SLC12A4: variants seen among roughly 807,000 people sequenced by gnomAD.
The protein encoded by SLC12A4 is electroneutral potassium-chloride cotransporter 1.
In SLC12A4, 84 loss-of-function variants were observed where a neutral mutation model predicts 119.2. That is an observed-to-expected ratio of 0.70 (90% CI 0.59 to 0.85). The LOEUF (loss-of-function observed/expected upper bound fraction) is 0.85, where lower values mean the gene tolerates loss of function less well. Among genes scored for constraint, SLC12A4 ranks in the 40% least tolerant of loss-of-function variants. SLC12A4 has a pLI of 0.00. For missense variants in SLC12A4, 1,298 were observed against 1,476.3 expected (o/e 0.88, Z 1.98); for synonymous variants, 599 against 604.6 (o/e 0.99, Z 0.14).
chr16:67,968,591 C>T lies in SLC12A4; in HGVS notation c.-38G>A, dbSNP rs2030971307. 1.4e-6 allele frequency: 2 copies of T among 1,452,476 alleles called. No individual in the cohort carries two copies. Among genetic ancestry groups the T allele is most frequent in the Non-Finnish European group, 1.8e-6 (2 of 1,102,034 alleles). 90.0% of individuals were successfully genotyped at this position (1,452,476 alleles called of 1,614,324 possible). On this transcript the variant is annotated 5_prime_UTR_variant, in exon 1 of 24. Coordinates refer to ENST00000316341, the MANE Select transcript of SLC12A4 (RefSeq NM_005072.5). ...GCCCCGCCGCACCCGCCGTCCCAGC[C>T]GCCCGCCGCTGTCCCCGCCGCTGTC...
Position 67,963,503 on chromosome 16 carries a change from C to T in SLC12A4, c.172G>A (p.Gly58Arg). The T allele has an allele frequency of 1.3e-6, 2 of 1,585,276 alleles. No homozygotes were observed. The highest frequency in any genetic ancestry group is 1.7e-6 in the Non-Finnish European group (2 of 1,171,710). ...PFLSPLEASR[G>R]IDYYDRNLAL... ...AGGTTCCTGTCATAGTAGTCAATTC[C>T]TCTGGAAGCCTCCAAGGGGGAAAGA... The change falls in exon 2 of 24, where the codon GGA (glycine) becomes AGA (arginine). Residue 58 changes from glycine to arginine, a missense_variant. Transcript: ENST00000316341.
rs1210061266 is a variant in SLC12A4, at chr16:67,952,260, G to A, written c.841C>T (p.Leu281=). The change falls in exon 7 of 24, where the codon CTG becomes TTG. Residue 281 remains leucine, a synonymous_variant. Transcript: ENST00000316341. ...KYVNKFASLF[L]ACVIISILSI... The stretch of plus-strand genomic sequence containing the variant: ...AGGATGGAGATGATCACACAGGCCA[G>A]GAAGAGCGAGGCAAATTTGTTCACA... The A allele has an allele frequency of 1.9e-6, 3 of 1,614,164 alleles. No homozygotes were observed. In the South Asian group the frequency reaches 3.3e-5, roughly 18 times the overall value.
At chr16:67,961,232 GGAT>G (rs2030543917) in intron 3 of SLC12A4, among the ~76,000 whole-genome samples, 1 of 152,152 alleles carries the variant, frequency 6.6e-6, no homozygotes, top group African/African-American at 2.4e-5. Context: ...TGAAAAATGG[GGAT>G]GATAGTAAGC....
At chr16:67,961,537 T>G (rs1258620728) in intron 3 of SLC12A4, 38 bp downstream of exon 3, 1 of 1,605,580 alleles carries the variant, frequency 6.2e-7, no homozygotes, top group Admixed American at 1.7e-5. Flanking sequence ...GTGTCTGTCT[T>G]CCCAGGTGTG....
At chr16:67,963,843 C>A in intron 1 of SLC12A4, 2 of 1,492,864 alleles carry the variant, frequency 1.3e-6, no homozygotes, top group East Asian at 2.5e-5. Flanking sequence ...CACTGAGGGA[C>A]GGGGCCTGCA....
At position 67,957,886 on chromosome 16, in the gene SLC12A4, C is replaced by T. The variant is rs1282281465; in HGVS notation, c.489+12G>A. On this transcript the variant is annotated intron_variant, in intron 4 of 23. Coordinates refer to ENST00000316341, the MANE Select transcript of SLC12A4 (RefSeq NM_005072.5). ...CATGCCCAGCCCAACCCTCCCACGC[C>T]AGGACACTCACACAACAGCAGCAGA... 1.9e-6 allele frequency: 3 copies of T among 1,614,138 alleles called. No individual in the cohort carries two copies. Among genetic ancestry groups the T allele is most frequent in the Non-Finnish European group, 1.7e-6 (2 of 1,180,018 alleles).
At position 67,950,150 on chromosome 16, in the gene SLC12A4, C is replaced by T. The variant is rs936462926; in HGVS notation, c.1629+169G>A. The T allele has an allele frequency of 7.5e-6, 6 of 797,404 alleles. No homozygotes were observed. The highest frequency in any genetic ancestry group is 1.2e-5 in the Non-Finnish European group (6 of 512,434). The allele number at this position is 797,404 out of a possible 1,614,324, so 49.4% of individuals were successfully genotyped here. The stretch of plus-strand genomic sequence containing the variant: ...TTCTGGGTCCAGGCAGCTCCAGGCC[C>T]AGGTGAGTGCCAGGCCCAGGGCACT... On this transcript the variant is annotated intron_variant, in intron 12 of 23. Transcript: ENST00000316341. This position sits in a 1 kb window ranked among gnomAD's most constrained non-coding sequence, Gnocchi z 4.3.
intron 1 of SLC12A4, chr16:67,963,956 G>A (rs2030731518): frequency 6.4e-7 from 1 of 1,551,514 alleles, no homozygotes; most frequent in Non-Finnish European, 8.7e-7. Context: ...CCAAGGGTTC[G>A]GTGTCCTCAG....
chr16:67,945,546 A>G lies in SLC12A4; in HGVS notation c.2855T>C (p.Leu952Pro). ...TKTEREREAQ[L>P]VKDRHSALRL... ...CAGGGCCGAGTGCCGATCCTTGACC[A>G]GCTGGGCCTGAGGACAATTGCAGGA... The change falls in exon 22 of 24, where the codon CTG becomes CCG. Residue 952 changes from leucine to proline, a missense_variant. Physicochemically the swap from Leu to Pro is moderately conservative, Grantham distance 98. Transcript: ENST00000316341. 2.5e-6 allele frequency: 4 copies of G among 1,613,486 alleles called. No individual in the cohort carries two copies. Among genetic ancestry groups the G allele is most frequent in the Non-Finnish European group, 3.4e-6 (4 of 1,179,718 alleles).
In SLC12A4 at chr16:67,966,871, C is replaced by G. The variant is rs149233022; in HGVS notation, c.115+1568G>C. ...GCTGGCCTAGCTTGCGGGGATCTAG[C>G]AGGACTCAGCCAATGTAGCTCCAGG... On this transcript the variant is annotated intron_variant, in intron 1 of 23. Coordinates refer to ENST00000316341, the MANE Select transcript of SLC12A4 (RefSeq NM_005072.5). 1,480 of 1,525,106 alleles carry G rather than the reference C, an allele frequency of 9.7e-4. 19 individuals carry two copies. In the African/African-American group the frequency reaches 0.018, roughly 18 times the overall value. 94.5% of individuals were successfully genotyped at this position (1,525,106 alleles called of 1,614,324 possible).
At position 67,950,785 on chromosome 16, in the gene SLC12A4, A is replaced by T; in HGVS notation, c.1397-74T>A. 6.5e-7 allele frequency: 1 copy of T among 1,547,090 alleles called. No individual in the cohort carries two copies. Among genetic ancestry groups the T allele is most frequent in the Non-Finnish European group, 8.8e-7 (1 of 1,138,488 alleles). On this transcript the variant is annotated intron_variant, in intron 10 of 23. Coordinates refer to ENST00000316341, the MANE Select transcript of SLC12A4 (RefSeq NM_005072.5). This position sits in a 1 kb window ranked among gnomAD's most constrained non-coding sequence, Gnocchi z 4.3. ...GAATAGTACCACGTGCCCCCACCCC[A>T]GCCAGACTACCAGGACACCTACAGC...
At position 67,951,465 on chromosome 16, in the gene SLC12A4, A is replaced by G; in HGVS notation, c.1133-161T>C. The G allele has an allele frequency of 1.3e-6, 1 of 780,958 alleles. No homozygotes were observed. The highest frequency in any genetic ancestry group is 2.0e-6 in the Non-Finnish European group (1 of 501,094). 48.4% of individuals were successfully genotyped at this position (780,958 alleles called of 1,614,324 possible). A position where few individuals can be genotyped will look rare whatever the true frequency, so the allele number is the denominator to read the frequency against. On this transcript the variant is annotated intron_variant, in intron 8 of 23. Transcript: ENST00000316341. The surrounding 1 kb of genome is among the most constrained non-coding windows in gnomAD (Gnocchi z 5.2). ...AGCCACAGGGCTACCCTGACCACAG[A>G]GAAGGAGCTGCCCAGCTAGAAGTCG... is the stretch of plus-strand genomic sequence containing the variant.
chr16:67,946,724 T>C, intron 17 of SLC12A4, 91 bp from the exon 18 acceptor site: 3 of 1,451,324 alleles, frequency 2.1e-6, no homozygotes, highest in Non-Finnish European at 1.9e-6. Flanking sequence ...AAACGACTTT[T>C]GGGTGGAGGA....
chr16:67,948,117 C>A lies in SLC12A4; in HGVS notation c.1791G>T (p.Ala597=). ...TGGGGGTCCTCAGGAGTGTCTGCAC[C>A]GCACAGGCGAGGTTCACGAACAGGT... ...MCYLFVNLAC[A]VQTLLRTPNW... Residue 597 remains alanine, a synonymous_variant, in exon 14 of 24, where the codon GCG becomes GCT. Coordinates refer to ENST00000316341, the MANE Select transcript of SLC12A4 (RefSeq NM_005072.5). 1 of 1,613,260 alleles carries A rather than the reference C, an allele frequency of 6.2e-7. No homozygotes were observed. The highest frequency in any genetic ancestry group is 1.3e-5 in the African/African-American group (1 of 75,070).
chr16:67,951,337 C>T lies in SLC12A4; in HGVS notation c.1133-33G>A. The T allele has an allele frequency of 1.3e-6, 2 of 1,593,196 alleles. No homozygotes were observed. The highest frequency in any genetic ancestry group is 1.7e-6 in the Non-Finnish European group (2 of 1,168,524). Reference sequence around the variant, plus strand: ...GGTAGCTGTGTCACCACCACAGCTGCCCCCCACTACCCCAGGTAGTTTGGG... The same window carrying T: ...GGTAGCTGTGTCACCACCACAGCTGTCCCCCACTACCCCAGGTAGTTTGGG... On this transcript the variant is annotated intron_variant, in intron 8 of 23. Transcript: ENST00000316341. This position sits in a 1 kb window ranked among gnomAD's most constrained non-coding sequence, Gnocchi z 5.2.
rs781035869 is a variant in SLC12A4 at position 67,964,937 on chromosome 16, G to A, written c.116-1378C>T. ...TCCCCCAAGGAAACTAACAAATCAA[G>A]TGTGCCCATGACAGTTTCTGGGGCA... On this transcript the variant is annotated intron_variant, in intron 1 of 23. Transcript: ENST00000316341. 7.9e-5 allele frequency among the ~76,000 whole-genome samples: 12 copies of A among 152,360 alleles called. No homozygotes were observed. In the Middle Eastern group the frequency reaches 0.01, roughly 130 times the overall value.
intron 20 of SLC12A4, 36 bp downstream of exon 20, chr16:67,945,915 G>A: frequency 6.2e-7 from 1 of 1,613,018 alleles, no homozygotes; most frequent in African/African-American, 1.3e-5. Context: ...CACGGGACAT[G>A]GTATCCACGG....
At chr16:67,946,670 C>G (rs773742502) in intron 17 of SLC12A4, 37 bp from the exon 18 acceptor site, 1 of 1,580,130 alleles carries the variant, frequency 6.3e-7, no homozygotes, top group Non-Finnish European at 8.6e-7. Context: ...GGGAGGCCAT[C>G]AGCTTCCTGC....
rs1376813344 is a variant in SLC12A4 at position 67,950,493 on chromosome 16, C to T, written c.1455G>A (p.Lys485=). ...AGTTCCTGCTGACACCATCGCCATACCTGCAGGGGCCACCAGAGTGAGGGA... is the reference window on the plus strand; with the variant it reads ...AGTTCCTGCTGACACCATCGCCATATCTGCAGGGGCCACCAGAGTGAGGGA... ...ACIEGVVLRD[K]YGDGVSRNLV... Residue 485 remains lysine, a splice_region_variant and synonymous_variant, in exon 12 of 24, where the codon AAG becomes AAA. Coordinates refer to ENST00000316341, the MANE Select transcript of SLC12A4 (RefSeq NM_005072.5). This position sits in a 1 kb window ranked among gnomAD's most constrained non-coding sequence, Gnocchi z 4.3. The T allele has an allele frequency of 1.2e-6, 2 of 1,613,902 alleles. No homozygotes were observed. The highest frequency in any genetic ancestry group is 2.2e-5 in the East Asian group (1 of 44,872).
Sources: allele counts gnomAD v4.1 joint callset (sites outside exome capture counted in the v4.1 genomes callset), GRCh38; gene constraint gnomAD v4.1.1; non-coding constraint Gnocchi (gnomAD v3.1); transcripts MANE v1.5; gene names NCBI Gene and HGNC (gene_info 2026-07-23, HGNC 2026-07-21).